Variants in DENND2B observed in about 807,000 individuals in gnomAD.
DENND2B encodes DENN domain containing 2B.
A neutral mutation model predicts 116.0 loss-of-function variants in DENND2B; 32 were observed. That is an observed-to-expected ratio of 0.28 (90% CI 0.21 to 0.37). The LOEUF (loss-of-function observed/expected upper bound fraction) is 0.37, where lower values mean the gene tolerates loss of function less well. DENND2B is among the 10% of genes least tolerant of loss of function. DENND2B has a pLI of 1.00. For missense variants in DENND2B, 1,276 were observed against 1,477.7 expected (o/e 0.86, Z 2.24); for synonymous variants, 588 against 583.9 (o/e 1.01, Z -0.10).
chr11:8,850,296 C>T (rs1478400677), intron 3 of DENND2B, among the ~76,000 whole-genome samples: 1 of 151,826 alleles, frequency 6.6e-6, no homozygotes, highest in Non-Finnish European at 1.5e-5. Context: ...AAATATAAAA[C>T]TGCTTGATCT....
chr11:8,710,676 G>A (rs1401936086), intron 11 of DENND2B, among the ~76,000 whole-genome samples, 169 bp downstream of exon 11: 7 of 151,946 alleles, frequency 4.6e-5, no homozygotes, highest in African/African-American at 1.7e-4. Flanking sequence ...CTGTGAAAGT[G>A]TGTGTGTTGG....
chr11:8,854,277 C>A (rs1047745711), intron 3 of DENND2B, among the ~76,000 whole-genome samples: 1 of 152,086 alleles, frequency 6.6e-6, no homozygotes, highest in African/African-American at 2.4e-5. Flanking sequence ...TCTCAGCTCA[C>A]TGCAACCTCC....
chr11:8,795,625 A>G (rs1274537438), intron 1 of DENND2B, among the ~76,000 whole-genome samples: 1 of 152,140 alleles, frequency 6.6e-6, no homozygotes, highest in Non-Finnish European at 1.5e-5. Flanking sequence ...AGGGACTGGA[A>G]TATCATCCTC....
At chr11:8,896,156 C>G (rs2064098811) in intron 1 of DENND2B, among the ~76,000 whole-genome samples, 1 of 152,078 alleles carries the variant, frequency 6.6e-6, no homozygotes, top group Non-Finnish European at 1.5e-5. Context: ...TGGTATAATA[C>G]TAACCCTGGA....
intron 1 of DENND2B, among the ~76,000 whole-genome samples, chr11:8,768,598 A>G (rs995720260): frequency 2.0e-5 from 3 of 152,170 alleles, no homozygotes; most frequent in Non-Finnish European, 4.4e-5. Flanking sequence ...ATTCCCAAAG[A>G]GGAATCAAAT....
chr11:8,769,008 A>G (rs1046307652), intron 1 of DENND2B, among the ~76,000 whole-genome samples: 2 of 152,130 alleles, frequency 1.3e-5, no homozygotes, highest in Admixed American at 1.3e-4. Context: ...GGCTCTAAGA[A>G]GCTCCAGAGA....
rs1191078029 is a variant in DENND2B, at chr11:8,695,527, C to G, written c.3315G>C (p.Glu1105Asp). 12 of 1,613,940 alleles carry G rather than the reference C, an allele frequency of 7.4e-6. No homozygotes were observed. The highest frequency in any genetic ancestry group is 1.0e-5 in the Non-Finnish European group (12 of 1,180,026). Residue 1105 changes from glutamate (E) to aspartate (D), a missense_variant, in exon 19 of 20, where the codon GAG becomes GAC. Glu to Asp is a conservative substitution (Grantham distance 45). This residue lies in a region of DENND2B where 420 missense variants were observed against 631.1 expected (regional missense o/e 0.67). Coordinates refer to ENST00000313726, the MANE Select transcript of DENND2B (RefSeq NM_213618.2). ...RAKGLFEQRV[E>D]QYLEELPDTE... Reference sequence around the variant, plus strand: ...TGTCTGGGAGTTCTTCTAAGTACTGCTCCACTCGCTGCTCAAAAAGGCCTG... The same window carrying G: ...TGTCTGGGAGTTCTTCTAAGTACTGGTCCACTCGCTGCTCAAAAAGGCCTG...
At chr11:8,822,905 GA>G (rs1289955742) in intron 4 of DENND2B, among the ~76,000 whole-genome samples, 2 of 152,154 alleles carry the variant, frequency 1.3e-5, no homozygotes, top group African/African-American at 4.8e-5. Flanking sequence ...CAAAACTCCA[GA>G]AAAGAATATA....
intron 1 of DENND2B, among the ~76,000 whole-genome samples, chr11:8,786,490 G>A (rs577627661): frequency 6.6e-6 from 1 of 152,242 alleles, no homozygotes; most frequent in East Asian, 1.9e-4. Flanking sequence ...CAAGGAGAAG[G>A]CCATTCACAG....
intron 14 of DENND2B, chr11:8,699,850 G>A (rs148381654): frequency 2.2e-6 from 1 of 456,518 alleles, no homozygotes; most frequent in Admixed American, 2.3e-5. Context: ...GAGCTGGCTG[G>A]ACCTACCCCT....
chr11:8,696,869 C>T (rs2040453339), intron 17 of DENND2B, among the ~76,000 whole-genome samples: 1 of 152,294 alleles, frequency 6.6e-6, no homozygotes, highest in Non-Finnish European at 1.5e-5. Context: ...TTGCAACCTC[C>T]GCCTCCTGGG....
chr11:8,711,936 CAG>C, intron 9 of DENND2B: 1 of 454,924 alleles, frequency 2.2e-6, no homozygotes. Flanking sequence ...GGGCTCCATG[CAG>C]GTGTCTGGAC....
chr11:8,760,741 G>C (rs2054462880), intron 1 of DENND2B, among the ~76,000 whole-genome samples: 1 of 152,142 alleles, frequency 6.6e-6, no homozygotes, highest in Non-Finnish European at 1.5e-5. Flanking sequence ...GTAAATCTTA[G>C]ATCTTCTCCA....
intron 1 of DENND2B, among the ~76,000 whole-genome samples, chr11:8,754,208 A>C (rs530446682): frequency 6.6e-6 from 1 of 152,320 alleles, no homozygotes; most frequent in East Asian, 1.9e-4. Flanking sequence ...AGAATATATA[A>C]AGAATTCTTT....
chr11:8,900,819 A>G (rs2083446083), intron 1 of DENND2B, among the ~76,000 whole-genome samples: 2 of 151,962 alleles, frequency 1.3e-5, no homozygotes, highest in South Asian at 4.2e-4. Context: ...ATACAAAAAA[A>G]TTAGCCAGGC....
At chr11:8,902,688 T>C (rs2064185002) in intron 1 of DENND2B, among the ~76,000 whole-genome samples, 1 of 152,242 alleles carries the variant, frequency 6.6e-6, no homozygotes, top group Non-Finnish European at 1.5e-5. Context: ...AATCAAGGTA[T>C]CTGCAGGATT....
intron 1 of DENND2B, among the ~76,000 whole-genome samples, chr11:8,797,887 G>T (rs1238338590): frequency 1.2e-4 from 18 of 152,052 alleles, no homozygotes; most frequent in Admixed American, 1.2e-3. Flanking sequence ...TAACAATGAT[G>T]ACTTCCTAGG....
intron 4 of DENND2B, chr11:8,718,950 G>C (rs1003811348): frequency 4.3e-5 from 42 of 988,094 alleles, no homozygotes; most frequent in Non-Finnish European, 5.1e-5. Context: ...AGGTCCCTGG[G>C]GAACTCAGAA....
intron 1 of DENND2B, among the ~76,000 whole-genome samples, chr11:8,803,715 T>C (rs1484196522): frequency 6.6e-6 from 1 of 152,132 alleles, no homozygotes; most frequent in Non-Finnish European, 1.5e-5. Flanking sequence ...TTGAGGTGGG[T>C]AATATTATCA....
Sources: gnomAD v4.1 joint callset for allele counts (sites outside exome capture counted in the v4.1 genomes callset) on GRCh38, gnomAD v4.1.1 for gene constraint, gnomAD v4.1.1 regional missense constraint, MANE v1.5 for transcripts, NCBI Gene and HGNC (gene_info 2026-07-23, HGNC 2026-07-21) for gene names.